Variants in PPP2R2B observed in about 807,000 individuals in gnomAD.
The protein encoded by PPP2R2B is protein phosphatase 2 regulatory subunit Bbeta, also known as serine/threonine-protein phosphatase 2A 55 kDa regulatory subunit B beta isoform.
A neutral mutation model predicts 46.0 loss-of-function variants in PPP2R2B; 5 were observed. The ratio of observed to expected loss-of-function variants is 0.11; its 90% CI spans 0.06 to 0.23. PPP2R2B has a LOEUF of 0.23. Ranked by LOEUF, PPP2R2B falls within the 10% of genes least tolerant of loss-of-function variation. The pLI is 1.00. For synonymous variants in PPP2R2B, 215 were observed against 206.7 expected, an observed-to-expected ratio of 1.04 and a Z score of -0.34; for missense variants, 367 against 575.0, an observed-to-expected ratio of 0.64 and a Z score of 3.70.
chr5:146,833,527 T>C (rs1023561393), intron 2 of PPP2R2B, among the ~76,000 whole-genome samples: 2 of 152,174 alleles, frequency 1.3e-5, no homozygotes, highest in Non-Finnish European at 2.9e-5. Flanking sequence ...GACTTTACTT[T>C]CAATGTGACA....
In PPP2R2B at chr5:146,585,347, C is replaced by T. The variant is rs1217363506; in HGVS notation, c.*4600G>A. 1 of 149,436 alleles carries T rather than the reference C, an allele frequency of 6.7e-6. No individual in the cohort carries two copies. The highest frequency in any genetic ancestry group is 2.5e-5 in the African/African-American group (1 of 40,462). 9.3% of individuals were successfully genotyped at this position (149,436 alleles called of 1,614,324 possible). ...TGGATAAGAACTTTAACTAAAACTGCCTGGCTTTGTCACTTGTGAACTGTG... is the reference window on the plus strand; with the variant it reads ...TGGATAAGAACTTTAACTAAAACTGTCTGGCTTTGTCACTTGTGAACTGTG... On this transcript the variant is annotated 3_prime_UTR_variant, in exon 10 of 10. Coordinates refer to ENST00000394411, the MANE Select transcript of PPP2R2B (RefSeq NM_181675.4).
intron 2 of PPP2R2B, among the ~76,000 whole-genome samples, chr5:146,764,232 G>A (rs1467328892): frequency 2.6e-5 from 4 of 152,046 alleles, no homozygotes; most frequent in South Asian, 2.1e-4. Flanking sequence ...GGAGGGGGGT[G>A]GGCAGGCACC....
chr5:147,038,704 C>T (rs531550963), intron 1 of PPP2R2B, among the ~76,000 whole-genome samples: 8 of 152,278 alleles, frequency 5.3e-5, no homozygotes, highest in Non-Finnish European at 1.2e-4. Flanking sequence ...CAAATGATTT[C>T]TGTGCAATAG....
chr5:147,024,556 A>G (rs953588709), intron 1 of PPP2R2B, among the ~76,000 whole-genome samples: 2 of 152,188 alleles, frequency 1.3e-5, no homozygotes, highest in Non-Finnish European at 2.9e-5. Context: ...TCACCAAGAG[A>G]TCATATACTG....
chr5:146,875,028 G>A (rs537643592), intron 2 of PPP2R2B, among the ~76,000 whole-genome samples: 4 of 152,270 alleles, frequency 2.6e-5, no homozygotes, highest in Non-Finnish European at 5.9e-5. Flanking sequence ...AAAGGAAAAT[G>A]AAGTAGTGCA....
At chr5:146,987,284 C>G (rs936468782) in intron 1 of PPP2R2B, among the ~76,000 whole-genome samples, 27 of 152,000 alleles carry the variant, frequency 1.8e-4, no homozygotes, top group African/African-American at 6.5e-4. Flanking sequence ...GAAAAAGACA[C>G]ATGTGCAACA....
At chr5:147,051,383 C>T (rs1192111941) in intron 1 of PPP2R2B, among the ~76,000 whole-genome samples, 1 of 152,186 alleles carries the variant, frequency 6.6e-6, no homozygotes, top group Non-Finnish European at 1.5e-5. Context: ...CAGTGGTCCA[C>T]AGGGTTCATG....
intron 1 of PPP2R2B, among the ~76,000 whole-genome samples, chr5:147,027,063 A>T (rs532139589): frequency 5.6e-4 from 86 of 152,314 alleles, no homozygotes; most frequent in African/African-American, 1.9e-3. Context: ...GAATAAAAAA[A>T]TTTTGGTATA....
chr5:146,848,863 T>G (rs936086583), intron 2 of PPP2R2B, among the ~76,000 whole-genome samples: 1 of 152,226 alleles, frequency 6.6e-6, no homozygotes, highest in Non-Finnish European at 1.5e-5. Flanking sequence ...CCTCTCCTAT[T>G]TATTCAATTA....
chr5:146,908,258 T>C (rs1401066082), intron 1 of PPP2R2B, among the ~76,000 whole-genome samples: 1 of 152,198 alleles, frequency 6.6e-6, no homozygotes, highest in African/African-American at 2.4e-5. Context: ...TTGTACTACA[T>C]GACAGATCTT....
intron 2 of PPP2R2B, among the ~76,000 whole-genome samples, chr5:146,874,904 C>A (rs1341162684): frequency 1.3e-5 from 2 of 152,124 alleles, no homozygotes; most frequent in Non-Finnish European, 2.9e-5. Flanking sequence ...CTCTATATAA[C>A]CCCATACACA....
At chr5:146,848,356 T>C (rs1168154617) in intron 2 of PPP2R2B, among the ~76,000 whole-genome samples, 5 of 152,172 alleles carry the variant, frequency 3.3e-5, no homozygotes, top group South Asian at 4.2e-4. Context: ...TGCTTAATTT[T>C]CTAATGTCCT....
intron 2 of PPP2R2B, 128 bp from the exon 3 acceptor site, chr5:146,701,270 G>T: frequency 1.1e-6 from 1 of 918,444 alleles, no homozygotes; most frequent in Non-Finnish European, 1.8e-6. Context: ...TTACAAGGAT[G>T]TTATGTTCTG....
intron 2 of PPP2R2B, among the ~76,000 whole-genome samples, chr5:146,745,271 C>T (rs73322105): frequency 0.028 from 4,204 of 151,686 alleles, 146 homozygotes; most frequent in African/African-American, 0.082. Context: ...TGAGTTCTTA[C>T]CCTAGTTCTA....
intron 1 of PPP2R2B, among the ~76,000 whole-genome samples, chr5:147,036,166 C>A (rs1376791004): frequency 6.6e-6 from 1 of 152,130 alleles, no homozygotes; most frequent in Non-Finnish European, 1.5e-5. Flanking sequence ...TCCATCCTCC[C>A]ACCCTCCACC....
intron 1 of PPP2R2B, among the ~76,000 whole-genome samples, chr5:146,921,571 A>C (rs1763610232): frequency 6.6e-6 from 1 of 152,226 alleles, no homozygotes; most frequent in Non-Finnish European, 1.5e-5. Context: ...GAAAAGACTC[A>C]AAAGATGTCA....
At chr5:146,810,067 T>C (rs1582157235) in intron 2 of PPP2R2B, among the ~76,000 whole-genome samples, 1 of 152,204 alleles carries the variant, frequency 6.6e-6, no homozygotes, top group South Asian at 2.1e-4. Flanking sequence ...GTAGTGGTGC[T>C]GTGTGCCAGA....
intron 1 of PPP2R2B, among the ~76,000 whole-genome samples, chr5:146,915,713 G>T (rs1413253005): frequency 6.6e-6 from 1 of 151,974 alleles, no homozygotes; most frequent in African/African-American, 2.4e-5. Context: ...CATTCTATTT[G>T]GTTTATATAT....
At chr5:146,988,771 C>T (rs896748797) in intron 1 of PPP2R2B, among the ~76,000 whole-genome samples, 2 of 151,168 alleles carry the variant, frequency 1.3e-5, no homozygotes, top group Non-Finnish European at 1.5e-5. Context: ...AAGATCAGAG[C>T]AGAAATAAAT....
Sources: allele counts gnomAD v4.1 joint callset (sites outside exome capture counted in the v4.1 genomes callset), GRCh38; gene constraint gnomAD v4.1.1; transcripts MANE v1.5; gene names NCBI Gene and HGNC (gene_info 2026-07-23, HGNC 2026-07-21).